Variants in IL22RA2 observed in about 807,000 individuals in gnomAD.
IL22RA2 encodes the protein interleukin 22 receptor subunit alpha 2.
A neutral mutation model predicts 30.7 loss-of-function variants in IL22RA2; 39 were observed. The ratio of observed to expected loss-of-function variants is 1.27; its 90% CI spans 0.98 to 1.66. The LOEUF is 1.66. Among genes scored for constraint, IL22RA2 ranks in the 40% most tolerant of loss-of-function variants. IL22RA2 has a pLI of 0.00. For missense variants in IL22RA2, 315 were observed against 312.7 expected (o/e 1.01, Z -0.05); for synonymous variants, 103 against 105.0 (o/e 0.98, Z 0.11).
intron 2 of IL22RA2, among the ~76,000 whole-genome samples, chr6:137,160,413 A>G (rs1778498678): frequency 6.6e-6 from 1 of 152,216 alleles, no homozygotes; most frequent in Admixed American, 6.5e-5. Flanking sequence ...GGACACCTGA[A>G]GGAGATTGCC....
At chr6:137,151,423 G>T (rs1293059114) in intron 5 of IL22RA2, among the ~76,000 whole-genome samples, 2 of 152,170 alleles carry the variant, frequency 1.3e-5, no homozygotes, top group African/African-American at 4.8e-5. Context: ...AAATGAATCA[G>T]ACTTAACTGT....
At chr6:137,152,367 T>C (rs1002454258) in intron 5 of IL22RA2, among the ~76,000 whole-genome samples, 3 of 152,242 alleles carry the variant, frequency 2.0e-5, no homozygotes, top group African/African-American at 7.2e-5. Context: ...GGTATATCCA[T>C]ATAATGTATT....
rs772465815 is a variant in IL22RA2 at position 137,145,711 on chromosome 6, G to A, written c.705C>T (p.Ser235=). 1.2e-6 allele frequency: 2 copies of A among 1,613,688 alleles called. No homozygotes were observed. Among genetic ancestry groups the A allele is most frequent in the East Asian group, 4.5e-5 (2 of 44,864 alleles). The change falls in exon 7 of 7, where the codon TCC becomes TCT. Residue 235 remains serine (S), a synonymous_variant. Coordinates refer to ENST00000296980, the MANE Select transcript of IL22RA2 (RefSeq NM_052962.3). ...ATATTTCAGCCACTACACAGTAGCTGGAGTGTGGTGTTAGAGCTTCAATTT... is the reference window on the plus strand; with the variant it reads ...ATATTTCAGCCACTACACAGTAGCTAGAGTGTGGTGTTAGAGCTTCAATTT... ...AVEIEALTPH[S]SYCVVAEIYQ...
At chr6:137,149,852 C>T (rs897714561) in intron 5 of IL22RA2, among the ~76,000 whole-genome samples, 2 of 152,150 alleles carry the variant, frequency 1.3e-5, no homozygotes, top group African/African-American at 2.4e-5. Flanking sequence ...CTTGAGTTTG[C>T]TATGCCAGAG....
At chr6:137,159,324 A>C (rs1013080901) in intron 2 of IL22RA2, among the ~76,000 whole-genome samples, 1 of 150,404 alleles carries the variant, frequency 6.6e-6, no homozygotes, top group African/African-American at 2.5e-5. Context: ...GTCAAGAAGC[A>C]TATCTTTTTT....
chr6:137,153,010 G>A (rs1055420719), intron 5 of IL22RA2, among the ~76,000 whole-genome samples: 2 of 152,144 alleles, frequency 1.3e-5, no homozygotes, highest in African/African-American at 4.8e-5. Flanking sequence ...AAGGGAGGGG[G>A]CAAGAGACAT....
intron 1 of IL22RA2, among the ~76,000 whole-genome samples, chr6:137,168,230 CTTG>C (rs1330201122): frequency 6.6e-6 from 1 of 152,146 alleles, no homozygotes; most frequent in African/African-American, 2.4e-5. Flanking sequence ...CATACAGGAA[CTTG>C]TTGTTTATAA....
At chr6:137,161,082 G>T (rs897859500) in intron 2 of IL22RA2, among the ~76,000 whole-genome samples, 1 of 152,160 alleles carries the variant, frequency 6.6e-6, no homozygotes, top group Admixed American at 6.5e-5. Flanking sequence ...TTTCCTCCAC[G>T]AATACCAGAA....
intron 1 of IL22RA2, among the ~76,000 whole-genome samples, chr6:137,162,624 AC>A (rs1156804913): frequency 6.6e-6 from 1 of 152,074 alleles, no homozygotes; most frequent in East Asian, 1.9e-4. Flanking sequence ...CATTCTTCTT[AC>A]CATTTTTTTT....
At chr6:137,163,529 A>G (rs998406417) in intron 1 of IL22RA2, among the ~76,000 whole-genome samples, 1 of 152,202 alleles carries the variant, frequency 6.6e-6, no homozygotes, top group African/African-American at 2.4e-5. Flanking sequence ...TTCCTCCAAC[A>G]GTGCAAATGG....
At chr6:137,146,450 T>C (rs1778180569) in intron 6 of IL22RA2, among the ~76,000 whole-genome samples, 1 of 152,090 alleles carries the variant, frequency 6.6e-6, no homozygotes, top group Non-Finnish European at 1.5e-5. Context: ...CAGAGCAGGA[T>C]CCCTTAGAAC....
chr6:137,154,190 T>C (rs1474492504), intron 5 of IL22RA2, among the ~76,000 whole-genome samples: 1 of 152,220 alleles, frequency 6.6e-6, no homozygotes, highest in Non-Finnish European at 1.5e-5. Flanking sequence ...ACTTTTGGTC[T>C]GCCTTTTTGG....
intron 6 of IL22RA2, among the ~76,000 whole-genome samples, chr6:137,146,478 C>T (rs1407662890): frequency 6.6e-6 from 1 of 152,166 alleles, no homozygotes; most frequent in African/African-American, 2.4e-5. Context: ...CGTTTCCCTT[C>T]CCAGTCACCA....
chr6:137,148,830 A>G (rs1778232087), intron 5 of IL22RA2, among the ~76,000 whole-genome samples: 1 of 152,148 alleles, frequency 6.6e-6, no homozygotes, highest in African/African-American at 2.4e-5. Context: ...TATTTCAGGC[A>G]TTGTCCTATC....
chr6:137,155,084 C>G lies in IL22RA2; in HGVS notation c.329G>C (p.Cys110Ser). The part of the protein sequence containing the change: ...GQRQWKNKED[C>S]WGTQELSCDL... ...ACAAGAGAGTTCTTGAGTACCCCAACAGTCTTCTTTATTTTTCCATTGTCT... is the reference window on the plus strand; with the variant it reads ...ACAAGAGAGTTCTTGAGTACCCCAAGAGTCTTCTTTATTTTTCCATTGTCT... The change falls in exon 5 of 7, where the codon TGT becomes TCT. Residue 110 changes from cysteine to serine, a missense_variant. By Grantham distance (112) the Cys-to-Ser change is moderately radical. Coordinates refer to ENST00000296980, the MANE Select transcript of IL22RA2 (RefSeq NM_052962.3). 4 of 1,600,946 alleles carry G rather than the reference C, an allele frequency of 2.5e-6. No individual in the cohort carries two copies. Among genetic ancestry groups the G allele is most frequent in the Non-Finnish European group, 3.4e-6 (4 of 1,173,148 alleles).
At chr6:137,160,486 C>G (rs1296491566) in intron 2 of IL22RA2, among the ~76,000 whole-genome samples, 1 of 152,150 alleles carries the variant, frequency 6.6e-6, no homozygotes, top group East Asian at 1.9e-4. Context: ...CTGCCATTAC[C>G]CTCCAACAGA....
At chr6:137,149,762 C>T (rs558679431) in intron 5 of IL22RA2, among the ~76,000 whole-genome samples, 1 of 152,316 alleles carries the variant, frequency 6.6e-6, no homozygotes, top group South Asian at 2.1e-4. Context: ...ATTCTTGTAC[C>T]TGCCTACCTT....
At chr6:137,151,100 C>G (rs532679934) in intron 5 of IL22RA2, among the ~76,000 whole-genome samples, 120 of 152,100 alleles carry the variant, frequency 7.9e-4, no homozygotes, top group Admixed American at 2.2e-3. Flanking sequence ...TGCAAGGAAC[C>G]CATAATAGTC....
At chr6:137,165,998 T>C (rs1231265173) in intron 1 of IL22RA2, among the ~76,000 whole-genome samples, 1 of 152,220 alleles carries the variant, frequency 6.6e-6, no homozygotes, top group East Asian at 1.9e-4. Context: ...GCTGATAGAA[T>C]GGGCGGAGCA....
Sources: gnomAD v4.1 joint callset for allele counts (sites outside exome capture counted in the v4.1 genomes callset) on GRCh38, gnomAD v4.1.1 for gene constraint, MANE v1.5 for transcripts, NCBI Gene and HGNC (gene_info 2026-07-23, HGNC 2026-07-21) for gene names.